The following ASPH variants were observed in gnomAD, a reference collection of about 807,000 sequenced individuals.
ASPH encodes the protein aspartyl/asparaginyl beta-hydroxylase.
In ASPH, 100 loss-of-function variants were observed where a neutral mutation model predicts 118.4. That is an observed-to-expected ratio of 0.84 (90% CI 0.72 to 1.00). The LOEUF is 1.00. ASPH is among the 50% of genes least tolerant of loss of function. The pLI is 0.00. For missense variants in ASPH, 920 were observed against 919.5 expected, an observed-to-expected ratio of 1.00 and a Z score of -0.01; for synonymous variants, 315 against 325.6, an observed-to-expected ratio of 0.97 and a Z score of 0.35.
intron 5 of ASPH, among the ~76,000 whole-genome samples, chr8:61,648,034 G>A (rs1808937971): frequency 6.6e-6 from 1 of 152,190 alleles, no homozygotes; most frequent in African/African-American, 2.4e-5. Context: ...GGACGAGTAT[G>A]GGGTCCGGAT....
chr8:61,559,098 T>C (rs995445597), intron 18 of ASPH, among the ~76,000 whole-genome samples: 1 of 152,214 alleles, frequency 6.6e-6, no homozygotes, highest in Non-Finnish European at 1.5e-5. Flanking sequence ...ACATGAGATA[T>C]TTTGATACAG....
chr8:61,712,197 G>C (rs1838209526), intron 1 of ASPH, among the ~76,000 whole-genome samples: 1 of 152,164 alleles, frequency 6.6e-6, no homozygotes. Flanking sequence ...CTGCTAAAAA[G>C]TCTTTGATTT....
At position 61,637,974 on chromosome 8, in the gene ASPH, C is replaced by A. The variant is rs146557853; in HGVS notation, c.862G>T (p.Val288Leu). 9.3e-6 allele frequency: 15 copies of A among 1,610,296 alleles called. No individual in the cohort carries two copies. Among genetic ancestry groups the A allele is most frequent in the Non-Finnish European group, 1.3e-5 (15 of 1,178,584 alleles). ...EVTAPPEDNPVEDSQVIVEEV... is the reference protein window; with the variant it reads ...EVTAPPEDNPLEDSQVIVEEV... ...TCTACAATTACCTGTGAATCTTCTA[C>A]AGGATTATCCTCAGGGGGAGCAGTT... The change falls in exon 12 of 25, where the codon GTA (valine) becomes TTA (leucine). Residue 288 changes from valine to leucine, a missense_variant. By Grantham distance (32) the Val-to-Leu change is conservative. Coordinates refer to ENST00000379454, the MANE Select transcript of ASPH (RefSeq NM_004318.4).
chr8:61,586,560 A>C (rs1317666158), intron 14 of ASPH, among the ~76,000 whole-genome samples: 1 of 151,984 alleles, frequency 6.6e-6, no homozygotes, highest in Admixed American at 6.5e-5. Flanking sequence ...TTTAGCACTC[A>C]CTCTGCGCCA....
chr8:61,624,537 G>A (rs1438549635), intron 13 of ASPH: 1 of 966,644 alleles, frequency 1.0e-6, no homozygotes, highest in African/African-American at 1.8e-5. Context: ...TGACAATATA[G>A]AGAATTCTTC....
intron 18 of ASPH, among the ~76,000 whole-genome samples, chr8:61,561,000 GAAGAATTCTACAAGGAAGGA>G (rs1829605098): frequency 6.7e-6 from 1 of 150,354 alleles, no homozygotes; most frequent in Non-Finnish European, 1.5e-5. Flanking sequence ...AGAAAATAGG[GAAGAATTCTACAAGGAAGGA>G]AGGGAATGAG....
In ASPH at chr8:61,675,889, T is replaced by C. The variant is rs1825042404; in HGVS notation, c.322+5079A>G. The C allele has an allele frequency of 1.1e-5, 16 of 1,392,308 alleles. 1 individual carries two copies. Among genetic ancestry groups the C allele is most frequent in the South Asian group, 3.7e-5 (2 of 54,440 alleles). The allele number at this position is 1,392,308 out of a possible 1,614,324, so 86.2% of individuals were successfully genotyped here. On this transcript the variant is annotated intron_variant, in intron 3 of 24. Transcript: ENST00000379454. Reference sequence around the variant, plus strand: ...GGAGTACCATTTTCTTCAATAGAAGTTGGGGGAGCTGAGCGAGCAAGGGAC... The same window carrying C: ...GGAGTACCATTTTCTTCAATAGAAGCTGGGGGAGCTGAGCGAGCAAGGGAC...
chr8:61,598,613 G>A (rs889368494), intron 14 of ASPH, among the ~76,000 whole-genome samples: 2 of 152,136 alleles, frequency 1.3e-5, no homozygotes, highest in Admixed American at 1.3e-4. Flanking sequence ...ATAAACACTG[G>A]ATTTAAACTG....
chr8:61,536,830 G>C (rs1348097275), intron 21 of ASPH, among the ~76,000 whole-genome samples: 9 of 152,056 alleles, frequency 5.9e-5, no homozygotes, highest in African/African-American at 1.7e-4. Context: ...TTGGTTTCCT[G>C]GGCAGGTTAC....
intron 1 of ASPH, among the ~76,000 whole-genome samples, chr8:61,686,124 T>C (rs1000097465): frequency 1.6e-4 from 25 of 152,182 alleles, no homozygotes; most frequent in Admixed American, 2.6e-4. Context: ...GTAAATAATA[T>C]GGTAAATTCA....
intron 21 of ASPH, among the ~76,000 whole-genome samples, chr8:61,530,876 T>C (rs1817323875): frequency 6.6e-6 from 1 of 152,220 alleles, no homozygotes; most frequent in Non-Finnish European, 1.5e-5. Context: ...TATATTGCTA[T>C]TCTTGATTTA....
chr8:61,633,630 C>T, intron 13 of ASPH, 53 bp downstream of exon 13: 1 of 1,446,750 alleles, frequency 6.9e-7, no homozygotes, highest in Non-Finnish European at 9.5e-7. Flanking sequence ...GTAATATTAA[C>T]AGGATTTTTA....
intron 14 of ASPH, among the ~76,000 whole-genome samples, chr8:61,613,513 A>G (rs1198176544): frequency 6.6e-6 from 1 of 152,242 alleles, no homozygotes; most frequent in African/African-American, 2.4e-5. Flanking sequence ...TACTCTTAAT[A>G]AGCTTTTTGT....
At position 61,653,645 on chromosome 8, in the gene ASPH, G is replaced by A; in HGVS notation, c.338C>T (p.Ser113Phe). 1 of 1,613,808 alleles carries A rather than the reference G, an allele frequency of 6.2e-7. No homozygotes were observed. Among genetic ancestry groups the A allele is most frequent in the Non-Finnish European group, 8.5e-7 (1 of 1,179,942 alleles). ...AKVLLGLKER[S>F]TSEPAVPPEE... The stretch of plus-strand genomic sequence containing the variant: ...TGGCGGGACTGCTGGCTCTGAAGTA[G>A]ATCTCTCTTTAAGTCCTGCATTTTT... Residue 113 changes from serine to phenylalanine, a missense_variant, in exon 4 of 25, where the codon TCT becomes TTT. By Grantham distance (155) the Ser-to-Phe change is radical. Transcript: ENST00000379454.
chr8:61,664,510 A>G (rs1818492493), intron 3 of ASPH: 2 of 985,046 alleles, frequency 2.0e-6, no homozygotes, highest in African/African-American at 1.7e-5. Flanking sequence ...TATGTGGCAC[A>G]TGGTAAGCAC....
intron 3 of ASPH, among the ~76,000 whole-genome samples, chr8:61,654,785 C>A (rs1302466735): frequency 1.3e-5 from 2 of 152,170 alleles, no homozygotes; most frequent in Non-Finnish European, 2.9e-5. Context: ...ACAAAACTCA[C>A]CACTAGTACA....
chr8:61,517,701 A>C, intron 23 of ASPH, 40 bp from the exon 24 acceptor site: 1 of 1,597,610 alleles, frequency 6.3e-7, no homozygotes. Flanking sequence ...CCATTTATCA[A>C]GGTGTGGAGG....
chr8:61,682,329 T>TATAAG (rs1828492672), intron 2 of ASPH: 8 of 1,131,524 alleles, frequency 7.1e-6, no homozygotes, highest in Non-Finnish European at 9.0e-6. Context: ...TAATGGGAAA[T>TATAAG]TGGTCCTATC....
chr8:61,663,155 G>C (rs956483253), intron 3 of ASPH: 1 of 985,230 alleles, frequency 1.0e-6, no homozygotes, highest in African/African-American at 1.7e-5. Context: ...ACTTTCATAT[G>C]CCTGGGGGAC....
Sources: gnomAD v4.1 joint callset for allele counts (sites outside exome capture counted in the v4.1 genomes callset) on GRCh38, gnomAD v4.1.1 for gene constraint, MANE v1.5 for transcripts, NCBI Gene and HGNC (gene_info 2026-07-23, HGNC 2026-07-21) for gene names.